AGBL4: variants seen among roughly 807,000 people sequenced by gnomAD.
AGBL4 encodes the protein AGBL carboxypeptidase 4.
Under a neutral mutation model 66.4 loss-of-function variants are expected in AGBL4, and 58 were observed. That is an observed-to-expected ratio of 0.87 (90% confidence interval 0.71 to 1.09). AGBL4 has a LOEUF of 1.09. Ranked by LOEUF, AGBL4 falls within the 50% of genes least tolerant of loss-of-function variation. The pLI is 0.00. For missense variants in AGBL4, 579 were observed against 631.0 expected (o/e 0.92, Z 0.88); for synonymous variants, 234 against 222.9 (o/e 1.05, Z -0.44).
At chr1:48,522,880 C>T in the AGBL4 span, among the ~76,000 whole-genome samples, 11 of 150,254 alleles carry the variant, frequency 7.3e-5, no homozygotes, top group Non-Finnish European at 1.3e-4. Flanking sequence ...GAGCCGAGAT[C>T]GTGCCACTGC....
At chr1:48,951,044 CT>C (rs898027823) in intron 5 of AGBL4, among the ~76,000 whole-genome samples, 27 of 152,248 alleles carry the variant, frequency 1.8e-4, no homozygotes, top group African/African-American at 6.5e-4. Flanking sequence ...CTTGTCCAAA[CT>C]TTTCATTTTA....
chr1:48,781,028 G>A (rs538126655), intron 6 of AGBL4, among the ~76,000 whole-genome samples: 1 of 152,232 alleles, frequency 6.6e-6, no homozygotes, highest in East Asian at 1.9e-4. Flanking sequence ...GTGATCGAAG[G>A]GCAGAAGAAC....
intron 6 of AGBL4, among the ~76,000 whole-genome samples, chr1:48,671,670 A>G (rs1418239683): frequency 6.6e-6 from 1 of 152,262 alleles, no homozygotes; most frequent in Non-Finnish European, 1.5e-5. Context: ...GGATACTTAC[A>G]GACACTGAGA....
At chr1:48,811,852 C>G (rs1188017279) in intron 6 of AGBL4, among the ~76,000 whole-genome samples, 1 of 152,128 alleles carries the variant, frequency 6.6e-6, no homozygotes, top group African/African-American at 2.4e-5. Flanking sequence ...GGGGTTGACA[C>G]AGCAGTGTCC....
At chr1:48,981,558 C>A (rs1459534322) in intron 5 of AGBL4, among the ~76,000 whole-genome samples, 1 of 152,062 alleles carries the variant, frequency 6.6e-6, no homozygotes, top group African/African-American at 2.4e-5. Flanking sequence ...TAAAATCAAA[C>A]AAACATAAAA....
At chr1:49,816,259 AT>A (rs1362469480) in intron 2 of AGBL4, among the ~76,000 whole-genome samples, 3 of 152,192 alleles carry the variant, frequency 2.0e-5, no homozygotes, top group Admixed American at 6.6e-5. Context: ...TAATTAGAGT[AT>A]GCTTTCAGGA....
chr1:49,389,772 G>A (rs1446214295), intron 3 of AGBL4, among the ~76,000 whole-genome samples: 1 of 152,118 alleles, frequency 6.6e-6, no homozygotes, highest in African/African-American at 2.4e-5. Context: ...ACCCTTTTAA[G>A]GTTTCATATG....
intron 4 of AGBL4, among the ~76,000 whole-genome samples, chr1:49,130,002 C>T (rs1347929723): frequency 1.3e-5 from 2 of 152,126 alleles, no homozygotes; most frequent in African/African-American, 4.8e-5. Context: ...TAATGATCAC[C>T]TTTCTAACTG....
chr1:49,757,512 G>A (rs957212574), intron 2 of AGBL4, among the ~76,000 whole-genome samples: 8 of 152,196 alleles, frequency 5.3e-5, no homozygotes, highest in African/African-American at 1.9e-4. Flanking sequence ...ACAGTAAGAA[G>A]TGGGAAAGTT....
intron 6 of AGBL4, among the ~76,000 whole-genome samples, chr1:48,744,860 CTA>C (rs1469339367): frequency 3.9e-5 from 6 of 152,292 alleles, no homozygotes; most frequent in South Asian, 4.1e-4. Flanking sequence ...ACCCCAAATG[CTA>C]TGTTGTTCCA....
At chr1:48,960,227 T>C (rs1365054718) in intron 5 of AGBL4, among the ~76,000 whole-genome samples, 1 of 152,008 alleles carries the variant, frequency 6.6e-6, no homozygotes, top group Admixed American at 6.6e-5. Context: ...GAAAGGCTAT[T>C]GGAAAAGAGA....
At chr1:49,484,744 G>A (rs1388252016) in intron 3 of AGBL4, among the ~76,000 whole-genome samples, 1 of 151,898 alleles carries the variant, frequency 6.6e-6, no homozygotes, top group Non-Finnish European at 1.5e-5. Context: ...ATAACAAAAA[G>A]AGTATAATGG....
intron 3 of AGBL4, among the ~76,000 whole-genome samples, chr1:49,542,887 AGACTCCATC>A: frequency 7.3e-6 from 1 of 136,180 alleles, no homozygotes; most frequent in African/African-American, 2.9e-5. Flanking sequence ...TGACAGAGTA[AGACTCCATC>A]AAAAAAAAAA....
At chr1:49,271,018 A>G (rs76320717) in intron 3 of AGBL4, among the ~76,000 whole-genome samples, 1,926 of 152,328 alleles carry the variant, frequency 0.013, 41 homozygotes, top group African/African-American at 0.045. Context: ...GGGATTCGCA[A>G]TGAAGGCTAC....
At chr1:49,738,081 C>G (rs1050862182) in intron 2 of AGBL4, among the ~76,000 whole-genome samples, 10 of 152,166 alleles carry the variant, frequency 6.6e-5, no homozygotes, top group African/African-American at 2.2e-4. Context: ...GTGCAGCGCA[C>G]CAAGTATGAG....
intron 1 of AGBL4, among the ~76,000 whole-genome samples, chr1:49,903,070 A>G (rs1649926708): frequency 6.6e-6 from 1 of 152,218 alleles, no homozygotes; most frequent in Admixed American, 6.5e-5. Flanking sequence ...ACTATTCACA[A>G]TAGCAAAGAC....
intron 3 of AGBL4, among the ~76,000 whole-genome samples, chr1:49,417,075 CAT>C (rs1317514471): frequency 2.0e-5 from 3 of 152,032 alleles, no homozygotes; most frequent in African/African-American, 4.8e-5. Flanking sequence ...ATGATGCAGA[CAT>C]GTGTTACAAT....
At chr1:48,889,043 A>G (rs1048116072) in intron 5 of AGBL4, among the ~76,000 whole-genome samples, 2 of 152,216 alleles carry the variant, frequency 1.3e-5, no homozygotes, top group Admixed American at 1.3e-4. Context: ...GCCAAAGAGA[A>G]GGATCCACAT....
At chr1:49,602,790 G>A (rs1039721799) in intron 3 of AGBL4, among the ~76,000 whole-genome samples, 1 of 150,996 alleles carries the variant, frequency 6.6e-6, no homozygotes, top group Non-Finnish European at 1.5e-5. Flanking sequence ...AAACCTCCAC[G>A]TTCTGCACAT....
Sources: gnomAD v4.1 joint callset for allele counts (sites outside exome capture counted in the v4.1 genomes callset) on GRCh38, gnomAD v4.1.1 for gene constraint, MANE v1.5 for transcripts, NCBI Gene and HGNC (gene_info 2026-07-23, HGNC 2026-07-21) for gene names.